IL2RB: variants seen among roughly 807,000 people sequenced by gnomAD.
The protein encoded by IL2RB is interleukin 2 receptor subunit beta.
In IL2RB, 17 loss-of-function variants were observed where a neutral mutation model predicts 44.2. The ratio of observed to expected loss-of-function variants is 0.38; its 90% CI spans 0.26 to 0.58. The LOEUF (loss-of-function observed/expected upper bound fraction) is 0.58. Among genes scored for constraint, IL2RB ranks in the 20% least tolerant of loss-of-function variants. IL2RB has a pLI of 0.63. For synonymous variants in IL2RB, 286 were observed against 297.9 expected (o/e 0.96, Z 0.41); for missense variants, 624 against 685.5 (o/e 0.91, Z 1.00).
rs915788507 is a variant in IL2RB at position 37,141,852 on chromosome 22, G to A, written c.282+582C>T. Among the ~76,000 whole-genome samples, 2 of 152,214 alleles carry A rather than the reference G, an allele frequency of 1.3e-5. No individual in the cohort carries two copies. Among genetic ancestry groups the A allele is most frequent in the African/African-American group, 4.8e-5 (2 of 41,460 alleles). On this transcript the variant is annotated intron_variant, in intron 4 of 9. Transcript: ENST00000216223. The surrounding 1 kb of genome is among the most constrained non-coding windows in gnomAD (Gnocchi z 4.4). ...TTGGCCCGAGCAGCCTGGGCAGAAGGAGGCGGGTCCCTGGTGAGGTCCCAC... is the reference window on the plus strand; with the variant it reads ...TTGGCCCGAGCAGCCTGGGCAGAAGAAGGCGGGTCCCTGGTGAGGTCCCAC...
intron 6 of IL2RB, 112 bp from the exon 7 acceptor site, chr22:37,136,505 T>C: frequency 2.6e-6 from 3 of 1,175,042 alleles, no homozygotes; most frequent in Non-Finnish European, 3.5e-6. Flanking sequence ...CCCACTTCCT[T>C]GCCACCCAAA....
intron 4 of IL2RB, among the ~76,000 whole-genome samples, 169 bp downstream of exon 4, chr22:37,142,265 T>G (rs1273364882): frequency 1.3e-5 from 2 of 152,056 alleles, no homozygotes; most frequent in African/African-American, 2.4e-5. Context: ...CTCCCTGGGG[T>G]GTCACCTGTT....
chr22:37,161,382 A>G (rs1922865997), intron 1 of IL2RB, among the ~76,000 whole-genome samples: 1 of 152,054 alleles, frequency 6.6e-6, no homozygotes, highest in African/African-American at 2.4e-5. Context: ...ATCTTTGCAA[A>G]TCTTTCTTGT....
chr22:37,160,037 T>TG (rs1286724709), intron 1 of IL2RB, among the ~76,000 whole-genome samples: 1 of 152,260 alleles, frequency 6.6e-6, no homozygotes, highest in Non-Finnish European at 1.5e-5. Flanking sequence ...AAGACCTCCT[T>TG]GAGTAAATAG....
rs1014769231 is a variant in IL2RB, at chr22:37,141,131, T to C, written c.282+1303A>G. The stretch of plus-strand genomic sequence containing the variant: ...GTGGACCCAGGCCTCCTGGTGCTGT[T>C]GGGGGCTGGGATCAGGCAAGAGCCC... On this transcript the variant is annotated intron_variant, in intron 4 of 9. Transcript: ENST00000216223. The surrounding 1 kb of genome is among the most constrained non-coding windows in gnomAD (Gnocchi z 4.4). 9.3e-5 allele frequency among the ~76,000 whole-genome samples: 14 copies of C among 151,342 alleles called. No homozygotes were observed. Among genetic ancestry groups the C allele is most frequent in the African/African-American group, 3.2e-4 (13 of 41,140 alleles).
chr22:37,163,402 A>T (rs1371076174), intron 1 of IL2RB, among the ~76,000 whole-genome samples: 2 of 152,172 alleles, frequency 1.3e-5, no homozygotes, highest in African/African-American at 4.8e-5. Flanking sequence ...TTCAACCAAG[A>T]CTTCACCAAA....
At chr22:37,164,748 A>C (rs1814255002) in intron 1 of IL2RB, among the ~76,000 whole-genome samples, 1 of 152,144 alleles carries the variant, frequency 6.6e-6, no homozygotes, top group African/African-American at 2.4e-5. Flanking sequence ...CAGAGAGCAG[A>C]GGGCCACCAG....
At position 37,128,276 on chromosome 22, in the gene IL2RB, C is replaced by G; in HGVS notation, c.1476G>C (p.Val492=). The G allele has an allele frequency of 2.7e-6, 4 of 1,499,512 alleles. No homozygotes were observed. Among genetic ancestry groups the G allele is most frequent in the Non-Finnish European group, 3.6e-6 (4 of 1,125,350 alleles). 92.9% of individuals were successfully genotyped at this position (1,499,512 alleles called of 1,614,324 possible). A position where few individuals can be genotyped will look rare whatever the true frequency, so the allele number is the denominator to read the frequency against. Residue 492 remains valine, a synonymous_variant, in exon 10 of 10, where the codon GTG becomes GTC. Transcript: ENST00000216223. This position sits in a 1 kb window ranked among gnomAD's most constrained non-coding sequence, Gnocchi z 4.5. ...GGACCTCCTCCCCAGCCTCTCGCAG[C>G]ACCAGCTCAGGGGGTGGCTGAAAAT... is the stretch of plus-strand genomic sequence containing the variant. The part of the protein sequence containing the change: ...LVDFQPPPEL[V]LREAGEEVPD...
intron 1 of IL2RB, among the ~76,000 whole-genome samples, chr22:37,160,396 C>G (rs1601611630): frequency 1.3e-5 from 2 of 152,262 alleles, no homozygotes; most frequent in Non-Finnish European, 2.9e-5. Context: ...GAAGCCTAGT[C>G]TCTCCTTCTG....
chr22:37,132,038 A>G lies in IL2RB; in HGVS notation c.903+346T>C, dbSNP rs117930199. Among the ~76,000 whole-genome samples the G allele has an allele frequency of 9.0e-3, 1,370 of 152,240 alleles. 13 individuals are homozygous for G. Among genetic ancestry groups the G allele is most frequent in the South Asian group, 0.034 (165 of 4,824 alleles). On this transcript the variant is annotated intron_variant, in intron 9 of 9. Transcript: ENST00000216223. ...CATGAACCACTGCACCCAGCCTGATAGGGTTCTTTTGAACACTAACTGCGT... is the reference window on the plus strand; with the variant it reads ...CATGAACCACTGCACCCAGCCTGATGGGGTTCTTTTGAACACTAACTGCGT...
chr22:37,167,770 C>T (rs1309125629), intron 1 of IL2RB, among the ~76,000 whole-genome samples: 3 of 152,238 alleles, frequency 2.0e-5, no homozygotes, highest in Admixed American at 6.5e-5. Context: ...GGCTGGACTG[C>T]GGTGCCTCAA....
At chr22:37,154,055 C>T (rs533934527), upstream of IL2RB, among the ~76,000 whole-genome samples, 7 of 152,184 alleles carry the variant, frequency 4.6e-5, no homozygotes, top group Non-Finnish European at 1.0e-4. Context: ...CACAGGAAGC[C>T]TGAGGCGCGC....
intron 8 of IL2RB, among the ~76,000 whole-genome samples, chr22:37,133,723 A>G (rs993585083): frequency 6.6e-6 from 1 of 152,160 alleles, no homozygotes; most frequent in Non-Finnish European, 1.5e-5. Flanking sequence ...GAAACCCTCC[A>G]TGACTGCTCG....
rs372081302 is a variant in IL2RB, at chr22:37,163,663, C to G, written c.-34+11295G>C. ...GCTCCTGGCATGAGGATGCCTTATA[C>G]CCCCGCCCTGAGGCCCCCCATTCGG... On this transcript the variant is annotated intron_variant, in intron 1 of 5. Coordinates refer to the IL2RB transcript ENST00000429622. Among the ~76,000 whole-genome samples, 6 of 151,490 alleles carry G rather than the reference C, an allele frequency of 4.0e-5. 1 individual carries two copies. Among genetic ancestry groups the G allele is most frequent in the Admixed American group, 3.9e-4 (6 of 15,294 alleles).
Position 37,132,418 on chromosome 22 carries a change from G to C in IL2RB, c.869C>G (p.Ser290Cys), listed in dbSNP as rs764062848. Residue 290 changes from serine (S) to cysteine (C), a missense_variant, in exon 9 of 10, where the codon TCC becomes TGC. Coordinates refer to ENST00000216223, the MANE Select transcript of IL2RB (RefSeq NM_000878.5). The part of the protein sequence containing the change: ...CNTPDPSKFF[S>C]QLSSEHGGDV... Reference sequence around the variant, plus strand: ...TCCTCCATGCTCTGAGCTCAGCTGGGAAAAGAACTTCGAGGGGTCTGGGGT... The same window carrying C: ...TCCTCCATGCTCTGAGCTCAGCTGGCAAAAGAACTTCGAGGGGTCTGGGGT... 6.2e-7 allele frequency: 1 copy of C among 1,614,132 alleles called. No individual in the cohort carries two copies. The highest frequency in any genetic ancestry group is 8.5e-7 in the Non-Finnish European group (1 of 1,180,002).
intron 1 of IL2RB, among the ~76,000 whole-genome samples, chr22:37,156,660 A>G (rs1922690125): frequency 6.6e-6 from 1 of 152,212 alleles, no homozygotes; most frequent in Non-Finnish European, 1.5e-5. Context: ...AGCCACTTCT[A>G]ATGTACATCC....
chr22:37,136,467 C>CT, intron 6 of IL2RB, 74 bp from the exon 7 acceptor site: 1 of 1,163,748 alleles, frequency 8.6e-7, no homozygotes, highest in Non-Finnish European at 1.1e-6. Context: ...CATCACAGAA[C>CT]CCCCCCCCAA....
chr22:37,137,037 C>T (rs377018210), intron 6 of IL2RB, among the ~76,000 whole-genome samples: 2 of 152,184 alleles, frequency 1.3e-5, no homozygotes, highest in African/African-American at 2.4e-5. Flanking sequence ...CCGGGTGCCT[C>T]ACTATCCCAG....
At chr22:37,131,512 G>C (rs186571579) in intron 9 of IL2RB, among the ~76,000 whole-genome samples, 2 of 152,206 alleles carry the variant, frequency 1.3e-5, no homozygotes, top group South Asian at 4.1e-4. Flanking sequence ...AGTTTAGAGC[G>C]TTACTGATCT....
Sources: allele counts gnomAD v4.1 joint callset (sites outside exome capture counted in the v4.1 genomes callset), GRCh38; gene constraint gnomAD v4.1.1; non-coding constraint Gnocchi (gnomAD v3.1); transcripts MANE v1.5; gene names NCBI Gene and HGNC (gene_info 2026-07-23, HGNC 2026-07-21).